The following MAN1A1 variants were observed in gnomAD, a reference collection of about 807,000 sequenced individuals.
The protein encoded by MAN1A1 is mannosyl-oligosaccharide 1,2-alpha-mannosidase IA.
A neutral mutation model predicts 70.8 loss-of-function variants in MAN1A1; 29 were observed. The ratio of observed to expected loss-of-function variants is 0.41; its 90% CI spans 0.31 to 0.56. The LOEUF is 0.56. Among genes scored for constraint, MAN1A1 ranks in the 20% least tolerant of loss-of-function variants. The pLI is 0.29. For missense variants in MAN1A1, 747 were observed against 841.3 expected, an observed-to-expected ratio of 0.89 and a Z score of 1.39; for synonymous variants, 349 against 330.1, an observed-to-expected ratio of 1.06 and a Z score of -0.62.
chr6:119,294,238 T>C (rs1457822384), intron 4 of MAN1A1, among the ~76,000 whole-genome samples: 1 of 152,144 alleles, frequency 6.6e-6, no homozygotes, highest in African/African-American at 2.4e-5. Flanking sequence ...TTTCTACAAA[T>C]GAGGGTCTCA....
At position 119,178,285 on chromosome 6, in the gene MAN1A1, G is replaced by C. The variant is rs1773055358; in HGVS notation, c.*1534C>G. On this transcript the variant is annotated 3_prime_UTR_variant, in exon 13 of 13. Transcript: ENST00000368468. ...AAAATAATTGTCTTCAATAATATTA[G>C]GTGGAACCATATGAAACTGCTGACA... The C allele has an allele frequency of 6.6e-6, 1 of 151,996 alleles. No homozygotes were observed. The highest frequency in any genetic ancestry group is 1.5e-5 in the Non-Finnish European group (1 of 67,942). 9.4% of individuals were successfully genotyped at this position (151,996 alleles called of 1,614,324 possible). A position where few individuals can be genotyped will look rare whatever the true frequency, so the allele number is the denominator to read the frequency against.
chr6:119,275,930 T>G (rs879802433), intron 5 of MAN1A1, among the ~76,000 whole-genome samples: 2 of 152,200 alleles, frequency 1.3e-5, no homozygotes, highest in Non-Finnish European at 1.5e-5. Context: ...GCTAAGGAAT[T>G]AGCTTCTCAG....
rs1772679706 is a variant in MAN1A1, at chr6:119,310,771, G to A, written c.604-3779C>T. Among the ~76,000 whole-genome samples the A allele has an allele frequency of 2.6e-5, 4 of 152,140 alleles. No individual in the cohort carries two copies. In the South Asian group the frequency reaches 8.3e-4, roughly 32 times the overall value. On this transcript the variant is annotated intron_variant, in intron 2 of 12. Coordinates refer to ENST00000368468, the MANE Select transcript of MAN1A1 (RefSeq NM_005907.4). ...GAGAAAAAAGTTAAGAGGAGGCTGAGGTACAGATGATTTTGCCACTTGGAT... is the reference window on the plus strand; with the variant it reads ...GAGAAAAAAGTTAAGAGGAGGCTGAAGTACAGATGATTTTGCCACTTGGAT...
chr6:119,209,110 G>T (rs1422538053), intron 6 of MAN1A1, among the ~76,000 whole-genome samples: 1 of 114,128 alleles, frequency 8.8e-6, no homozygotes, highest in South Asian at 3.2e-4. Flanking sequence ...AAAAAAAAAA[G>T]GTATAGGTTA....
chr6:119,270,150 A>G (rs1429264754), intron 5 of MAN1A1, among the ~76,000 whole-genome samples: 1 of 152,142 alleles, frequency 6.6e-6, no homozygotes, highest in Non-Finnish European at 1.5e-5. Flanking sequence ...CTAATCTTGT[A>G]CATTTCCAAT....
intron 5 of MAN1A1, among the ~76,000 whole-genome samples, chr6:119,267,243 TA>T (rs1206512648): frequency 1.3e-5 from 2 of 152,216 alleles, no homozygotes; most frequent in African/African-American, 4.8e-5. Context: ...GTATTTAAAC[TA>T]ACGAACTGAA....
chr6:119,247,103 A>T (rs1176341298), intron 6 of MAN1A1, among the ~76,000 whole-genome samples: 1 of 152,178 alleles, frequency 6.6e-6, no homozygotes, highest in Non-Finnish European at 1.5e-5. Context: ...AATAAAATAA[A>T]CTGATTAATT....
At chr6:119,267,268 A>T (rs551333576) in intron 5 of MAN1A1, among the ~76,000 whole-genome samples, 1 of 152,226 alleles carries the variant, frequency 6.6e-6, no homozygotes, top group Admixed American at 6.5e-5. Context: ...TTATGACCAT[A>T]CAAAAAACTG....
chr6:119,230,550 T>C lies in MAN1A1; in HGVS notation c.992+17710A>G, dbSNP rs189399982. On this transcript the variant is annotated intron_variant, in intron 6 of 12. Transcript: ENST00000368468. ...CTCTCTTCTCTTCCCCTAGCTCTCA[T>C]CTACACATCCCCTTGATCCCAGCTC... is the stretch of plus-strand genomic sequence containing the variant. 9.8e-5 allele frequency among the ~76,000 whole-genome samples: 15 copies of C among 152,320 alleles called. 1 individual carries two copies. The South Asian group carries it at 2.5e-3, about 25-fold the overall frequency.
chr6:119,194,001 TGTTAC>T (rs927283634), intron 8 of MAN1A1, 109 bp from the exon 9 acceptor site: 2 of 616,478 alleles, frequency 3.2e-6, no homozygotes, highest in African/African-American at 3.7e-5. Flanking sequence ...TGCAAGTCAC[TGTTAC>T]ATTTAAATTC....
At chr6:119,305,452 A>G (rs979107643) in intron 3 of MAN1A1, among the ~76,000 whole-genome samples, 3 of 147,844 alleles carry the variant, frequency 2.0e-5, no homozygotes, top group African/African-American at 7.5e-5. Flanking sequence ...TCTCTCTTCA[A>G]TTCATACCTC....
intron 6 of MAN1A1, among the ~76,000 whole-genome samples, chr6:119,228,010 TA>T (rs1774568501): frequency 6.6e-6 from 1 of 152,178 alleles, no homozygotes; most frequent in Admixed American, 6.5e-5. Context: ...CAAAACTTTT[TA>T]AAAAATATGA....
At chr6:119,206,081 G>T (rs1773851651) in intron 6 of MAN1A1, among the ~76,000 whole-genome samples, 1 of 152,192 alleles carries the variant, frequency 6.6e-6, no homozygotes, top group Non-Finnish European at 1.5e-5. Flanking sequence ...TTCTTGAAGG[G>T]CAAGTACGAG....
intron 2 of MAN1A1, among the ~76,000 whole-genome samples, chr6:119,346,453 A>C (rs1463999323): frequency 1.3e-5 from 2 of 152,240 alleles, no homozygotes; most frequent in African/African-American, 4.8e-5. Flanking sequence ...TCACAGCAAC[A>C]AGGAATTTTA....
At chr6:119,283,526 G>A (rs951250050) in intron 5 of MAN1A1, among the ~76,000 whole-genome samples, 10 of 152,032 alleles carry the variant, frequency 6.6e-5, no homozygotes, top group Middle Eastern at 3.4e-3. Flanking sequence ...TAATAATATC[G>A]TATGCAGAGA....
chr6:119,273,880 T>C (rs1334900556), intron 5 of MAN1A1, among the ~76,000 whole-genome samples: 1 of 152,188 alleles, frequency 6.6e-6, no homozygotes, highest in East Asian at 1.9e-4. Flanking sequence ...TAAATGCTGA[T>C]TCAGCAACTA....
intron 5 of MAN1A1, among the ~76,000 whole-genome samples, chr6:119,284,239 T>C (rs1776299270): frequency 6.6e-6 from 1 of 152,198 alleles, no homozygotes; most frequent in Non-Finnish European, 1.5e-5. Flanking sequence ...GTGATTGTGA[T>C]CTGGAGCACA....
chr6:119,312,846 C>A (rs1394325281), intron 2 of MAN1A1, among the ~76,000 whole-genome samples: 3 of 152,222 alleles, frequency 2.0e-5, no homozygotes, highest in Non-Finnish European at 4.4e-5. Context: ...ACTCTCTATA[C>A]TTTCTGTTCA....
rs528482025 is a variant in MAN1A1 at position 119,218,607 on chromosome 6, G to A, written c.993-13725C>T. ...TGATTCCAGGCTGGGGCCACTGCCT[G>A]TACTGAGTTTGCATGTTGTCTCATG... On this transcript the variant is annotated intron_variant, in intron 6 of 12. Transcript: ENST00000368468. Among the ~76,000 whole-genome samples, 12 of 151,458 alleles carry A rather than the reference G, an allele frequency of 7.9e-5. No homozygotes were observed. The South Asian group carries it at 2.5e-3, about 32-fold the overall frequency.
Sources: gnomAD v4.1 joint callset for allele counts (sites outside exome capture counted in the v4.1 genomes callset) on GRCh38, gnomAD v4.1.1 for gene constraint, MANE v1.5 for transcripts, NCBI Gene and HGNC (gene_info 2026-07-23, HGNC 2026-07-21) for gene names.